EPHB4: variants seen among roughly 807,000 people sequenced by gnomAD.
EPHB4 encodes EPH receptor B4, also known as ephrin type-B receptor 4.
In EPHB4, 50 loss-of-function variants were observed where a neutral mutation model predicts 110.6. The ratio of observed to expected loss-of-function variants is 0.45; its 90% CI spans 0.36 to 0.57. The LOEUF (loss-of-function observed/expected upper bound fraction) is 0.57. Among genes scored for constraint, EPHB4 ranks in the 20% least tolerant of loss-of-function variants. The pLI is 0.00. For synonymous variants in EPHB4, 592 were observed against 578.4 expected (o/e 1.02, Z -0.34); for missense variants, 1,128 against 1,382.1 (o/e 0.82, Z 2.91).
Position 100,803,213 on chromosome 7 carries a change from G to A in EPHB4, c.*248C>T, listed in dbSNP as rs1472342321. Reference sequence around the variant, plus strand: ...GATGTTGGGCACTTCCTTTTCCTCTGGTCACACCCAGTCCTGAGGGAAAGG... The same window carrying A: ...GATGTTGGGCACTTCCTTTTCCTCTAGTCACACCCAGTCCTGAGGGAAAGG... On this transcript the variant is annotated 3_prime_UTR_variant, in exon 17 of 17. Transcript: ENST00000358173. The A allele has an allele frequency of 2.7e-6, 1 of 364,042 alleles. No homozygotes were observed. The highest frequency in any genetic ancestry group is 4.9e-6 in the Non-Finnish European group (1 of 202,766). The allele number at this position is 364,042 out of a possible 1,614,324, so 22.6% of individuals were successfully genotyped here. A position where few individuals can be genotyped will look rare whatever the true frequency, so the allele number is the denominator to read the frequency against.
intron 16 of EPHB4, 84 bp downstream of exon 16, chr7:100,805,082 C>T: frequency 6.7e-7 from 1 of 1,500,546 alleles, no homozygotes; most frequent in Admixed American, 2.2e-5. Context: ...CCGAAGCTGA[C>T]CCCAAAAGCC....
chr7:100,822,673 G>C lies in EPHB4; in HGVS notation c.412-6C>G. On this transcript the variant is annotated splice_polypyrimidine_tract_variant and splice_region_variant and intron_variant, in intron 3 of 16. Coordinates refer to ENST00000358173, the MANE Select transcript of EPHB4 (RefSeq NM_004444.5). The surrounding 1 kb of genome is among the most constrained non-coding windows in gnomAD (Gnocchi z 4.7). The stretch of plus-strand genomic sequence containing the variant: ...TCCGCGGCCACCGTGTCCACCTGCC[G>C]GCGGGGGGGAGGCACACCGCTGCTG... The C allele has an allele frequency of 6.5e-7, 1 of 1,548,826 alleles. No individual in the cohort carries two copies. The highest frequency in any genetic ancestry group is 8.7e-7 in the Non-Finnish European group (1 of 1,143,540).
At chr7:100,820,007 G>A (rs1813179814) in intron 5 of EPHB4, 118 bp from the exon 6 acceptor site, 4 of 1,480,564 alleles carry the variant, frequency 2.7e-6, no homozygotes, top group African/African-American at 1.4e-5. Context: ...GGCTCCACAT[G>A]TTCCTCCGGG....
intron 14 of EPHB4, 146 bp downstream of exon 14, chr7:100,806,274 T>C: frequency 9.4e-7 from 1 of 1,069,076 alleles, no homozygotes; most frequent in Middle Eastern, 2.4e-4. Context: ...ATCTCAACTC[T>C]TTGATACAAA....
intron 1 of EPHB4, among the ~76,000 whole-genome samples, chr7:100,825,748 G>GT (rs760665426): frequency 2.6e-5 from 4 of 152,340 alleles, no homozygotes; most frequent in Admixed American, 1.3e-4. Flanking sequence ...ATTAATATTT[G>GT]TAAGGCGCTC....
At chr7:100,803,726 A>C in intron 16 of EPHB4, 136 bp from the exon 17 acceptor site, 1 of 1,185,442 alleles carries the variant, frequency 8.4e-7, no homozygotes, top group Non-Finnish European at 1.1e-6. Context: ...AACAGATGTC[A>C]ACAGTTCCCG....
chr7:100,805,534 G>C lies in EPHB4; in HGVS notation c.2645C>G (p.Ala882Gly), dbSNP rs1443462577. The change falls in exon 15 of 17, where the codon GCC becomes GGC. Residue 882 changes from alanine to glycine, a missense_variant. By Grantham distance (60) the Ala-to-Gly change is moderately conservative. Transcript: ENST00000358173. ...SALDKMIRNPASLKIVARENG... is the reference protein window; with the variant it reads ...SALDKMIRNPGSLKIVARENG... ...CTCCCGGGCCACGATTTTGAGGCTG[G>C]CGGGGTTCCGGATCATCTTGTCCAG... The C allele has an allele frequency of 3.9e-6, 6 of 1,525,426 alleles. No homozygotes were observed. The highest frequency in any genetic ancestry group is 5.3e-6 in the Non-Finnish European group (6 of 1,137,034). The allele number at this position is 1,525,426 out of a possible 1,614,324, so 94.5% of individuals were successfully genotyped here.
At chr7:100,820,847 T>G (rs1375809984) in intron 4 of EPHB4, among the ~76,000 whole-genome samples, 1 of 151,920 alleles carries the variant, frequency 6.6e-6, no homozygotes, top group African/African-American at 2.4e-5. Flanking sequence ...TTTTGGCACT[T>G]GGAATGGCCT....
intron 16 of EPHB4, 109 bp from the exon 17 acceptor site, chr7:100,803,699 G>C: frequency 7.5e-7 from 1 of 1,330,086 alleles, no homozygotes; most frequent in Non-Finnish European, 9.8e-7. Flanking sequence ...AATCAGAAAA[G>C]CCAGCGGGGG....
intron 12 of EPHB4, among the ~76,000 whole-genome samples, chr7:100,810,025 G>A (rs886658372): frequency 2.0e-5 from 3 of 152,134 alleles, no homozygotes; most frequent in Non-Finnish European, 4.4e-5. Flanking sequence ...GAGGTGGTGG[G>A]CAGATCACGA....
chr7:100,817,138 A>G, intron 8 of EPHB4, 54 bp downstream of exon 8: 1 of 1,387,892 alleles, frequency 7.2e-7, no homozygotes, highest in Non-Finnish European at 9.4e-7. Flanking sequence ...GGGTCTTCCC[A>G]GGAACTTTGG....
Position 100,827,154 on chromosome 7 carries a change from C to T in EPHB4, c.-124G>A, listed in dbSNP as rs2571606. 4 of 1,057,700 alleles carry T rather than the reference C, an allele frequency of 3.8e-6. No individual in the cohort carries two copies. The highest frequency in any genetic ancestry group is 3.9e-6 in the Non-Finnish European group (3 of 762,148). 65.5% of individuals were successfully genotyped at this position (1,057,700 alleles called of 1,614,324 possible). On this transcript the variant is annotated 5_prime_UTR_variant, in exon 1 of 17. Transcript: ENST00000358173. ...CGGGACTCCTCGTCGGGGCCCTCAGCGCGGGCCCATGCGAGCGTGCGGGGC... is the reference window on the plus strand; with the variant it reads ...CGGGACTCCTCGTCGGGGCCCTCAGTGCGGGCCCATGCGAGCGTGCGGGGC...
chr7:100,813,880 T>G (rs902082298), intron 9 of EPHB4, 39 bp downstream of exon 9: 2 of 1,611,722 alleles, frequency 1.2e-6, no homozygotes, highest in African/African-American at 1.3e-5. Flanking sequence ...GGCCATCAAC[T>G]GAGGGCTTCC....
At chr7:100,803,708 G>A (rs972313988) in intron 16 of EPHB4, 118 bp from the exon 17 acceptor site, 5 of 1,303,232 alleles carry the variant, frequency 3.8e-6, no homozygotes, top group Non-Finnish European at 5.0e-6. Flanking sequence ...AGCCAGCGGG[G>A]GAGGGAGAAC....
intron 7 of EPHB4, among the ~76,000 whole-genome samples, chr7:100,817,848 G>C (rs1446542677): frequency 1.0e-5 from 1 of 97,986 alleles, no homozygotes; most frequent in Non-Finnish European, 2.2e-5. Context: ...TTCATTTTAA[G>C]TATTTTTTGC....
chr7:100,806,627 A>G, intron 13 of EPHB4, 58 bp from the exon 14 acceptor site: 2 of 1,557,364 alleles, frequency 1.3e-6, no homozygotes, highest in Non-Finnish European at 1.7e-6. Flanking sequence ...CACCAGACCC[A>G]GCACACTGCC....
chr7:100,806,045 T>G, intron 14 of EPHB4: 1 of 276,054 alleles, frequency 3.6e-6, no homozygotes, highest in Non-Finnish European at 6.7e-6. Flanking sequence ...CTGCAACCTC[T>G]GTTCCTGGGT....
In EPHB4 at chr7:100,822,745, C is replaced by A; in HGVS notation, c.412-78G>T. On this transcript the variant is annotated intron_variant, in intron 3 of 16. Coordinates refer to ENST00000358173, the MANE Select transcript of EPHB4 (RefSeq NM_004444.5). The surrounding 1 kb of genome is among the most constrained non-coding windows in gnomAD (Gnocchi z 4.7). ...GCGGACTGTTGTGTTCTTCCCAGCT[C>A]ACCCTCCCGGACCTCCTTGGTTCCC... 1 of 1,438,404 alleles carries A rather than the reference C, an allele frequency of 7.0e-7. No individual in the cohort carries two copies. Among genetic ancestry groups the A allele is most frequent in the Non-Finnish European group, 9.1e-7 (1 of 1,096,722 alleles). 89.1% of individuals were successfully genotyped at this position (1,438,404 alleles called of 1,614,324 possible).
Position 100,803,528 on chromosome 7 carries a change from T to C in EPHB4, c.2897A>G (p.Gln966Arg), listed in dbSNP as rs1220526333. The change falls in exon 17 of 17, where the codon CAG becomes CGG. Residue 966 changes from glutamine (Q) to arginine (R), a missense_variant. Around this residue, in one of 3 missense-constraint regions of EPHB4, gnomAD observed 209 missense variants for 240.5 expected, o/e 0.87. Coordinates refer to ENST00000358173, the MANE Select transcript of EPHB4 (RefSeq NM_004444.5). Reference protein sequence around the residue: ...GHQKKILASVQHMKSQAKPGT... With the variant: ...GHQKKILASVRHMKSQAKPGT... ...CGGCTTGGCCTGGGACTTCATGTGC[T>C]GGACACTGGCCAAGATTTTCTTCTG... 1.2e-6 allele frequency: 2 copies of C among 1,600,482 alleles called. No individual in the cohort carries two copies. The highest frequency in any genetic ancestry group is 1.7e-6 in the Non-Finnish European group (2 of 1,173,756).
Sources: gnomAD v4.1 joint callset for allele counts (sites outside exome capture counted in the v4.1 genomes callset) on GRCh38, gnomAD v4.1.1 for gene constraint, gnomAD v4.1.1 regional missense constraint, Gnocchi (gnomAD v3.1) non-coding constraint, MANE v1.5 for transcripts, NCBI Gene and HGNC (gene_info 2026-07-23, HGNC 2026-07-21) for gene names.